The following DPF3 variants were observed in gnomAD, a reference collection of about 807,000 sequenced individuals.
The protein encoded by DPF3 is double PHD fingers 3, also known as zinc finger protein DPF3.
A neutral mutation model predicts 56.8 loss-of-function variants in DPF3; 18 were observed. That is an observed-to-expected ratio of 0.32 (90% CI 0.22 to 0.47). DPF3 has a LOEUF of 0.47. DPF3 is among the 20% of genes least tolerant of loss of function. The pLI is 1.00. For missense variants in DPF3, 403 were observed against 488.8 expected, an observed-to-expected ratio of 0.82 and a Z score of 1.65; for synonymous variants, 188 against 180.2, an observed-to-expected ratio of 1.04 and a Z score of -0.35.
chr14:72,810,743 G>T (rs1883008382), intron 1 of DPF3, among the ~76,000 whole-genome samples: 1 of 152,174 alleles, frequency 6.6e-6, no homozygotes, highest in Non-Finnish European at 1.5e-5. Flanking sequence ...CTGGCACACT[G>T]CCTTGACCTT....
At chr14:72,688,579 C>T in intron 7 of DPF3, among the ~76,000 whole-genome samples, 1 of 152,190 alleles carries the variant, frequency 6.6e-6, no homozygotes, top group Non-Finnish European at 1.5e-5. Flanking sequence ...CTACTCTACC[C>T]CACTGGGGCT....
At chr14:72,859,477 C>CT (rs747976428) in intron 1 of DPF3, among the ~76,000 whole-genome samples, 2 of 104,284 alleles carry the variant, frequency 1.9e-5, no homozygotes, top group Non-Finnish European at 2.0e-5. Flanking sequence ...CCTCCCCCCC[C>CT]CCCCCCACAC....
chr14:72,694,138 G>C (rs1887811609), intron 6 of DPF3, among the ~76,000 whole-genome samples: 1 of 152,198 alleles, frequency 6.6e-6, no homozygotes, highest in Non-Finnish European at 1.5e-5. Flanking sequence ...CAGAAGTCTG[G>C]CTAAATGGCT....
At chr14:72,679,851 G>C (rs958719453) in intron 7 of DPF3, among the ~76,000 whole-genome samples, 2 of 152,242 alleles carry the variant, frequency 1.3e-5, no homozygotes, top group Admixed American at 1.3e-4. Flanking sequence ...CCGGCCAGGC[G>C]GGACGTGCTG....
chr14:72,814,091 A>G (rs551052365), intron 1 of DPF3, among the ~76,000 whole-genome samples: 6 of 151,640 alleles, frequency 4.0e-5, no homozygotes, highest in Admixed American at 6.6e-5. Context: ...TTTTTTAAAA[A>G]CTCCAGACGG....
At chr14:72,678,428 T>A (rs1887008472) in intron 7 of DPF3, among the ~76,000 whole-genome samples, 1 of 152,226 alleles carries the variant, frequency 6.6e-6, no homozygotes, top group Non-Finnish European at 1.5e-5. Flanking sequence ...ACTACAGTAA[T>A]CCATCCTGGG....
intron 7 of DPF3, among the ~76,000 whole-genome samples, chr14:72,685,018 C>T (rs77685007): frequency 0.012 from 1,812 of 152,330 alleles, 37 homozygotes; most frequent in East Asian, 0.068. Flanking sequence ...GCCCTCACCA[C>T]ACTCTGACCC....
rs921064087 is a variant in DPF3 at position 72,689,462 on chromosome 14, C to T, written c.742+3614G>A. 6.6e-5 allele frequency among the ~76,000 whole-genome samples: 10 copies of T among 152,090 alleles called. 1 individual carries two copies. The highest frequency in any genetic ancestry group is 1.3e-4 in the Non-Finnish European group (9 of 67,982). ...GATTAGCCTCTTGGATTAAGCTCTC[C>T]TACCTGCCCCTCCCCTCCAAAAGCC... On this transcript the variant is annotated intron_variant, in intron 7 of 10. Transcript: ENST00000556509.
At chr14:72,653,292 T>G (rs1472814044) in intron 8 of DPF3, among the ~76,000 whole-genome samples, 2 of 152,156 alleles carry the variant, frequency 1.3e-5, no homozygotes, top group Non-Finnish European at 2.9e-5. Flanking sequence ...ATTCAGCATG[T>G]CAGGGAGGGC....
chr14:72,732,294 C>T (rs1326566677), intron 3 of DPF3, among the ~76,000 whole-genome samples: 1 of 152,206 alleles, frequency 6.6e-6, no homozygotes, highest in African/African-American at 2.4e-5. Context: ...GGTAACAATA[C>T]CCAACCCCAC....
intron 1 of DPF3, among the ~76,000 whole-genome samples, chr14:72,808,145 G>GA (rs1376196262): frequency 1.3e-5 from 2 of 152,158 alleles, no homozygotes; most frequent in Admixed American, 1.3e-4. Flanking sequence ...CTAGGAAAGG[G>GA]AAGGATCAAA....
intron 6 of DPF3, among the ~76,000 whole-genome samples, chr14:72,713,586 A>G (rs1888752264): frequency 6.6e-6 from 1 of 152,216 alleles, no homozygotes; most frequent in East Asian, 1.9e-4. Context: ...CTCAGAGAGG[A>G]GAAGACGGCA....
intron 1 of DPF3, among the ~76,000 whole-genome samples, chr14:72,871,022 C>T (rs1196241266): frequency 6.9e-6 from 1 of 145,832 alleles, no homozygotes; most frequent in Non-Finnish European, 1.5e-5. Flanking sequence ...GTGAAAGGCA[C>T]TTCTTACATG....
intron 5 of DPF3, 39 bp from the exon 6 acceptor site, chr14:72,714,540 G>T (rs1253635166): frequency 6.2e-7 from 1 of 1,610,564 alleles, no homozygotes; most frequent in Non-Finnish European, 8.5e-7. Context: ...TGTTACCATG[G>T]TCATCACTAC....
intron 2 of DPF3, among the ~76,000 whole-genome samples, chr14:72,756,963 GGGGGA>G (rs1567223138): frequency 3.3e-4 from 42 of 126,912 alleles, no homozygotes; most frequent in African/African-American, 7.4e-4. Context: ...GAGGGAAAGA[GGGGGA>G]GAGAGGGAAA....
intron 8 of DPF3, among the ~76,000 whole-genome samples, chr14:72,663,166 C>CAAAAAAAAAAAAAAAAAAAA (rs56335418): frequency 3.3e-4 from 29 of 88,526 alleles, no homozygotes; most frequent in African/African-American, 1.2e-3. Context: ...TGGGTGTTAG[C>CAAAAAAAAAAAAAAAAAAAA]AAAAAAAAAA....
In DPF3 at chr14:72,805,159, G is replaced by A. The variant is rs576590481; in HGVS notation, c.33-33266C>T. 1.9e-4 allele frequency among the ~76,000 whole-genome samples: 29 copies of A among 152,178 alleles called. No individual in the cohort carries two copies. The East Asian group carries it at 5.6e-3, about 29-fold the overall frequency. On this transcript the variant is annotated intron_variant, in intron 1 of 10. Transcript: ENST00000556509. ...ATACAGGCCATGACTGAAGAAGGGG[G>A]AAACCTGCAGCTTCTAAAACTGCAC...
intron 7 of DPF3, among the ~76,000 whole-genome samples, chr14:72,680,137 G>T (rs529632242): frequency 6.6e-6 from 1 of 152,332 alleles, no homozygotes; most frequent in Non-Finnish European, 1.5e-5. Flanking sequence ...TGTGGGGAAG[G>T]CTGGACCAGA....
At chr14:72,735,349 T>G (rs776126812) in intron 3 of DPF3, among the ~76,000 whole-genome samples, 4 of 152,178 alleles carry the variant, frequency 2.6e-5, no homozygotes, top group Admixed American at 1.3e-4. Flanking sequence ...GTTCCATCAA[T>G]AGTGAACTTG....
Sources: allele counts gnomAD v4.1 joint callset (sites outside exome capture counted in the v4.1 genomes callset), GRCh38; gene constraint gnomAD v4.1.1; transcripts MANE v1.5; gene names NCBI Gene and HGNC (gene_info 2026-07-23, HGNC 2026-07-21).